The following SLC38A10 variants were observed in gnomAD, a reference collection of about 807,000 sequenced individuals.
SLC38A10 encodes the protein solute carrier family 38 member 10, also known as Sodium-coupled neutral amino acid transporter 10.
In SLC38A10, 53 loss-of-function variants were observed where a neutral mutation model predicts 81.0. The ratio of observed to expected loss-of-function variants is 0.65; its 90% CI spans 0.53 to 0.82. SLC38A10 has a LOEUF of 0.82. Among genes scored for constraint, SLC38A10 ranks in the 40% least tolerant of loss-of-function variants. The pLI is 0.00. For synonymous variants in SLC38A10, 665 were observed against 655.3 expected, an observed-to-expected ratio of 1.01 and a Z score of -0.23; for missense variants, 1,471 against 1,545.0, an observed-to-expected ratio of 0.95 and a Z score of 0.80.
At chr17:81,294,445 G>A (rs1490512230) in intron 1 of SLC38A10, among the ~76,000 whole-genome samples, 1 of 152,204 alleles carries the variant, frequency 6.6e-6, no homozygotes, top group Admixed American at 6.5e-5. Flanking sequence ...GGTGAGTTGT[G>A]TGCTTCTGAA....
In SLC38A10 at chr17:81,285,020, T is replaced by C. The variant is rs574140434; in HGVS notation, c.218-125A>G. ...CCACGGGCCCAGATTCTCCGGGGCA[T>C]GAGGGGTATTTCAAATTCTGGCTGC... On this transcript the variant is annotated intron_variant, in intron 2 of 15. Transcript: ENST00000374759. 3.9e-4 allele frequency: 273 copies of C among 694,534 alleles called. 2 individuals are homozygous for C. In the East Asian group the frequency reaches 9.0e-3, roughly 23 times the overall value. The allele number at this position is 694,534 out of a possible 1,614,324, so 43.0% of individuals were successfully genotyped here. A position where few individuals can be genotyped will look rare whatever the true frequency, so the allele number is the denominator to read the frequency against.
chr17:81,245,395 G>T lies in SLC38A10; in HGVS notation c.*161C>A. ...AACATTCTGGAAACGATGCCACAGTGAATCTTTTATACTGTCACTCACACT... is the reference window on the plus strand; with the variant it reads ...AACATTCTGGAAACGATGCCACAGTTAATCTTTTATACTGTCACTCACACT... On this transcript the variant is annotated 3_prime_UTR_variant, in exon 16 of 16. Coordinates refer to ENST00000374759, the MANE Select transcript of SLC38A10 (RefSeq NM_001037984.3). 1 of 879,094 alleles carries T rather than the reference G, an allele frequency of 1.1e-6. No homozygotes were observed. Among genetic ancestry groups the T allele is most frequent in the Non-Finnish European group, 1.7e-6 (1 of 591,266 alleles). The allele number at this position is 879,094 out of a possible 1,614,324, so 54.5% of individuals were successfully genotyped here. A position where few individuals can be genotyped will look rare whatever the true frequency, so the allele number is the denominator to read the frequency against.
intron 14 of SLC38A10, among the ~76,000 whole-genome samples, chr17:81,248,543 T>G (rs1465078420): frequency 6.6e-6 from 1 of 152,266 alleles, no homozygotes; most frequent in African/African-American, 2.4e-5. Flanking sequence ...TTATGTCATT[T>G]TTACAAGATG....
In SLC38A10 at chr17:81,288,202, T is replaced by A. The variant is rs114617552; in HGVS notation, c.217+1489A>T. 6.9e-3 allele frequency among the ~76,000 whole-genome samples: 1,054 copies of A among 152,332 alleles called. 15 individuals are homozygous for A. Among genetic ancestry groups the A allele is most frequent in the African/African-American group, 0.024 (993 of 41,582 alleles). On this transcript the variant is annotated intron_variant, in intron 2 of 15. Coordinates refer to ENST00000374759, the MANE Select transcript of SLC38A10 (RefSeq NM_001037984.3). The surrounding 1 kb of genome is among the most constrained non-coding windows in gnomAD (Gnocchi z 5.4). ...AAGGGGACTGGGAGGAAGTGGAGGCTGGGAGGCCAGGACCCACGTGTGGAC... is the reference window on the plus strand; with the variant it reads ...AAGGGGACTGGGAGGAAGTGGAGGCAGGGAGGCCAGGACCCACGTGTGGAC...
At chr17:81,258,020 C>T (rs2062988356) in intron 11 of SLC38A10, among the ~76,000 whole-genome samples, 1 of 152,252 alleles carries the variant, frequency 6.6e-6, no homozygotes, top group Admixed American at 6.5e-5. Flanking sequence ...TAACTGTCTT[C>T]ATGAGCCTTT....
In SLC38A10 at chr17:81,252,363, T is replaced by C. The variant is rs938120899; in HGVS notation, c.1777A>G (p.Lys593Glu). The change falls in exon 13 of 16, where the codon AAG (lysine) becomes GAG (glutamate). Residue 593 changes from lysine (K) to glutamate (E), a missense_variant. Coordinates refer to ENST00000374759, the MANE Select transcript of SLC38A10 (RefSeq NM_001037984.3). ...ADGQPAVQPAKEDLGPGDRGL... is the reference protein window; with the variant it reads ...ADGQPAVQPAEEDLGPGDRGL... ...CTGTCTCCTGGCCCCAGGTCCTCCT[T>C]TGCAGGCTGGACAGCTGGCTGACCA... is the stretch of plus-strand genomic sequence containing the variant. The C allele has an allele frequency of 3.1e-6, 5 of 1,613,170 alleles. No individual in the cohort carries two copies. The highest frequency in any genetic ancestry group is 3.4e-6 in the Non-Finnish European group (4 of 1,179,984).
intron 9 of SLC38A10, among the ~76,000 whole-genome samples, chr17:81,271,658 T>C (rs1314351797): frequency 6.6e-6 from 1 of 152,046 alleles, no homozygotes; most frequent in Non-Finnish European, 1.5e-5. Flanking sequence ...TCTAGAATAG[T>C]TGGTTCTACA....
intron 8 of SLC38A10, among the ~76,000 whole-genome samples, chr17:81,274,738 G>A (rs1048669051): frequency 6.6e-6 from 1 of 152,160 alleles, no homozygotes; most frequent in African/African-American, 2.4e-5. Flanking sequence ...ACAGCCCCAC[G>A]CTCGGGGCGA....
At chr17:81,279,226 G>A (rs1359357147) in intron 6 of SLC38A10, among the ~76,000 whole-genome samples, 3 of 152,218 alleles carry the variant, frequency 2.0e-5, no homozygotes, top group Non-Finnish European at 2.9e-5. Flanking sequence ...AGTGCTGCCC[G>A]GCTGCTTCTC....
intron 11 of SLC38A10, among the ~76,000 whole-genome samples, chr17:81,256,667 G>A (rs1202643206): frequency 6.6e-6 from 1 of 152,266 alleles, no homozygotes; most frequent in Non-Finnish European, 1.5e-5. Flanking sequence ...AATGGCCGCT[G>A]ACGTGACTTC....
rs1200836534 is a variant in SLC38A10 at position 81,270,977 on chromosome 17, A to G, written c.1072T>C (p.Cys358Arg). 6.2e-7 allele frequency: 1 copy of G among 1,613,740 alleles called. No individual in the cohort carries two copies. Among genetic ancestry groups the G allele is most frequent in the African/African-American group, 1.3e-5 (1 of 74,930 alleles). Residue 358 changes from cysteine (C) to arginine (R), a missense_variant, in exon 10 of 16, where the codon TGC (cysteine) becomes CGC (arginine). Cys to Arg is a radical substitution (Grantham distance 180). Coordinates refer to ENST00000374759, the MANE Select transcript of SLC38A10 (RefSeq NM_001037984.3). This position sits in a 1 kb window ranked among gnomAD's most constrained non-coding sequence, Gnocchi z 4.0. ...TAGATCAGCGCCGGGCAGATGAAGC[A>G]GATGAGGCTTCCCATGGTCGCTCCT... ...LTGATMGSLI[C>R]FICPALIYKK... is the part of the protein sequence containing the mutation.
intron 5 of SLC38A10, among the ~76,000 whole-genome samples, 177 bp downstream of exon 5, chr17:81,282,012 T>C (rs968175403): frequency 6.6e-6 from 1 of 152,082 alleles, no homozygotes; most frequent in African/African-American, 2.4e-5. Context: ...GTCTGCCCCA[T>C]GGTGCCCAGG....
chr17:81,285,824 T>A (rs963699990), intron 2 of SLC38A10: 24 of 152,232 alleles, frequency 1.6e-4, no homozygotes, highest in African/African-American at 5.8e-4. Flanking sequence ...ACACACAGGC[T>A]AGTAACTATG....
rs185849792 is a variant in SLC38A10 at position 81,289,256 on chromosome 17, C to T, written c.217+435G>A. Reference sequence around the variant, plus strand: ...GGGGTTTCACCATGTTGTCCAGGCTCGTCTCGAACTCCTGACCTCAAATAA... The same window carrying T: ...GGGGTTTCACCATGTTGTCCAGGCTTGTCTCGAACTCCTGACCTCAAATAA... On this transcript the variant is annotated intron_variant, in intron 2 of 15. Coordinates refer to ENST00000374759, the MANE Select transcript of SLC38A10 (RefSeq NM_001037984.3). This position sits in a 1 kb window ranked among gnomAD's most constrained non-coding sequence, Gnocchi z 5.9. Among the ~76,000 whole-genome samples the T allele has an allele frequency of 9.5e-4, 145 of 152,094 alleles. No homozygotes were observed. The highest frequency in any genetic ancestry group is 3.9e-3 in the Admixed American group (59 of 15,274).
intron 4 of SLC38A10, 61 bp from the exon 5 acceptor site, chr17:81,282,393 T>C: frequency 6.4e-7 from 1 of 1,550,922 alleles, no homozygotes. Flanking sequence ...CCGGGCTCTC[T>C]GCACTGACAG....
rs1307805575 is a variant in SLC38A10 at position 81,277,956 on chromosome 17, C to T, written c.627-823G>A. Among the ~76,000 whole-genome samples the T allele has an allele frequency of 1.3e-5, 2 of 151,596 alleles. No homozygotes were observed. The highest frequency in any genetic ancestry group is 1.3e-4 in the Admixed American group (2 of 15,236). On this transcript the variant is annotated intron_variant, in intron 6 of 15. Transcript: ENST00000374759. The surrounding 1 kb of genome is among the most constrained non-coding windows in gnomAD (Gnocchi z 4.5). ...TGGAGTGGGAGTCCAGGGGGGTGCT[C>T]CTAGGGTGTCCAGGTGGCCATGGCC...
At position 81,280,724 on chromosome 17, in the gene SLC38A10, AGAGCACGATC is replaced by A; in HGVS notation, c.502-1_510del. 2.5e-6 allele frequency: 4 copies of A among 1,612,646 alleles called. No individual in the cohort carries two copies. In the South Asian group the frequency reaches 4.4e-5, roughly 18 times the overall value. On this transcript the variant is annotated splice_acceptor_variant and coding_sequence_variant, in exon 6 of 16. Coordinates refer to ENST00000374759, the MANE Select transcript of SLC38A10 (RefSeq NM_001037984.3). LOFTEE classifies it high-confidence loss of function. ...CTGAAGAGGCCGTGCTTGAGAGAGGAGAGCACGATCTGCAGAGGGAGAGGGGAGAGAGCAC... is the reference window on the plus strand; with the variant it reads ...CTGAAGAGGCCGTGCTTGAGAGAGGATGCAGAGGGAGAGGGGAGAGAGCAC...
Position 81,260,300 on chromosome 17 carries a change from G to A in SLC38A10, c.1226C>T (p.Ala409Val), listed in dbSNP as rs750763576. 2 of 1,607,596 alleles carry A rather than the reference G, an allele frequency of 1.2e-6. No individual in the cohort carries two copies. The highest frequency in any genetic ancestry group is 1.1e-5 in the South Asian group (1 of 89,962). The change falls in exon 11 of 16, where the codon GCC becomes GTC. Residue 409 changes from alanine (A) to valine (V), a missense_variant. Around this residue, in one of 2 missense-constraint regions of SLC38A10, gnomAD observed 720 missense variants for 827.7 expected, o/e 0.87. Transcript: ENST00000374759. Reference protein sequence around the residue: ...EEVPEDLAEEAPGGRLGEAEG... With the variant: ...EEVPEDLAEEVPGGRLGEAEG... The stretch of plus-strand genomic sequence containing the variant: ...GGCCTCTCCAAGCCGGCCGCCAGGG[G>A]CTTCCTCTGCCAAGTCCTCGGGGAC...
At chr17:81,251,301 G>T (rs1401278478) in intron 14 of SLC38A10, 192 bp downstream of exon 14, 2 of 1,612,932 alleles carry the variant, frequency 1.2e-6, no homozygotes, top group East Asian at 2.2e-5. Flanking sequence ...GCAGATAAAA[G>T]GTTCCCAGAA....
Sources: allele counts gnomAD v4.1 joint callset (sites outside exome capture counted in the v4.1 genomes callset), GRCh38; gene constraint gnomAD v4.1.1; regional missense constraint gnomAD v4.1.1; non-coding constraint Gnocchi (gnomAD v3.1); transcripts MANE v1.5; gene names NCBI Gene and HGNC (gene_info 2026-07-23, HGNC 2026-07-21).